The following KBTBD11 variants were observed in gnomAD, a reference collection of about 807,000 sequenced individuals.
The protein encoded by KBTBD11 is kelch repeat and BTB domain containing 11, also known as kelch repeat and BTB domain-containing protein 11.
For missense variants in KBTBD11, 1,390 were observed against 1,001.8 expected, an observed-to-expected ratio of 1.39 and a Z score of -5.23; for synonymous variants, 747 against 499.0, an observed-to-expected ratio of 1.50 and a Z score of -6.63.
Position 2,000,676 on chromosome 8 carries a change from A to C in KBTBD11, c.-517A>C, listed in dbSNP as rs1817307017. ...CGGTGATATGACAGCATGTGAAGTG[A>C]GTGGGTGAGCACGGACTCCTGAGAG... On this transcript the variant is annotated 5_prime_UTR_variant, in exon 2 of 2. Transcript: ENST00000320248. The C allele has an allele frequency of 6.5e-6, 1 of 154,616 alleles. No individual in the cohort carries two copies. Among genetic ancestry groups the C allele is most frequent in the South Asian group, 2.1e-4 (1 of 4,860 alleles). 9.6% of individuals were successfully genotyped at this position (154,616 alleles called of 1,614,324 possible).
rs71211538 is a variant in KBTBD11 at position 1,980,228 on chromosome 8, C to CTTTTT, written c.-909+6306_-909+6310dup. 5.2e-3 allele frequency among the ~76,000 whole-genome samples: 646 copies of CTTTTT among 124,538 alleles called. 35 individuals are homozygous for CTTTTT. The highest frequency in any genetic ancestry group is 0.028 in the East Asian group (117 of 4,202). The allele number at this position is 124,538 out of a possible 152,430, so 81.7% of individuals were successfully genotyped here. A position where few individuals can be genotyped will look rare whatever the true frequency, so the allele number is the denominator to read the frequency against. Reference sequence around the variant, plus strand: ...ATGATGTGAAATACTGATAATCAAACTTTTTTTTTTTTTTTTTGAGATGGG... The same window carrying CTTTTT: ...ATGATGTGAAATACTGATAATCAAACTTTTTTTTTTTTTTTTTTTTTTGAGATGGG... On this transcript the variant is annotated intron_variant, in intron 1 of 1. Transcript: ENST00000320248.
intron 1 of KBTBD11, among the ~76,000 whole-genome samples, chr8:1,991,579 C>A (rs1375271543): frequency 6.6e-6 from 1 of 151,358 alleles, no homozygotes; most frequent in Non-Finnish European, 1.5e-5. Flanking sequence ...GCTCCTGCAT[C>A]AGCCCAGAGG....
intron 1 of KBTBD11, among the ~76,000 whole-genome samples, chr8:1,983,098 G>C (rs1438979871): frequency 6.6e-6 from 1 of 152,144 alleles, no homozygotes; most frequent in East Asian, 1.9e-4. Context: ...TGTTGGGTGT[G>C]TGTGCCCCGA....
At chr8:1,982,963 T>G (rs1467864711) in intron 1 of KBTBD11, among the ~76,000 whole-genome samples, 13 of 152,170 alleles carry the variant, frequency 8.5e-5, no homozygotes, top group Admixed American at 8.5e-4. Context: ...TGACCTCAAG[T>G]GATCTACTCA....
chr8:1,980,554 T>C (rs1310718271), intron 1 of KBTBD11, among the ~76,000 whole-genome samples: 2 of 152,242 alleles, frequency 1.3e-5, no homozygotes, highest in Non-Finnish European at 2.9e-5. Context: ...ATGAGCTCCA[T>C]GAAGCTACAG....
chr8:1,978,348 T>C (rs1485847878), intron 1 of KBTBD11, among the ~76,000 whole-genome samples: 1 of 152,260 alleles, frequency 6.6e-6, no homozygotes, highest in Non-Finnish European at 1.5e-5. Flanking sequence ...CAGCACCAGA[T>C]GCGGAGCTTG....
In KBTBD11 at chr8:2,003,901, A is replaced by C. The variant is rs1817492028; in HGVS notation, c.*837A>C. On this transcript the variant is annotated 3_prime_UTR_variant, in exon 2 of 2. Coordinates refer to ENST00000320248, the MANE Select transcript of KBTBD11 (RefSeq NM_014867.3). ...CAGGGTGCTTGTCTATCTAAAAAGCAATCTTTGATAGTCCACTCTGTATGC... is the reference window on the plus strand; with the variant it reads ...CAGGGTGCTTGTCTATCTAAAAAGCCATCTTTGATAGTCCACTCTGTATGC... 6.0e-6 allele frequency: 1 copy of C among 166,980 alleles called. No individual in the cohort carries two copies. Among genetic ancestry groups the C allele is most frequent in the South Asian group, 2.1e-4 (1 of 4,836 alleles). The allele number at this position is 166,980 out of a possible 1,614,324, so 10.3% of individuals were successfully genotyped here.
At chr8:1,982,031 G>A (rs753511731) in intron 1 of KBTBD11, among the ~76,000 whole-genome samples, 3 of 152,154 alleles carry the variant, frequency 2.0e-5, no homozygotes, top group Non-Finnish European at 4.4e-5. Flanking sequence ...TGCTTCTCTG[G>A]AGAACCCTGG....
chr8:1,984,136 T>TA (rs1816631978), intron 1 of KBTBD11, among the ~76,000 whole-genome samples: 1 of 149,582 alleles, frequency 6.7e-6, no homozygotes, highest in African/African-American at 2.5e-5. Flanking sequence ...TTTAGAAAAA[T>TA]AAAAAAAGAG....
At chr8:1,978,457 G>A (rs1816425499) in intron 1 of KBTBD11, among the ~76,000 whole-genome samples, 2 of 152,188 alleles carry the variant, frequency 1.3e-5, no homozygotes, top group South Asian at 2.1e-4. Context: ...GGGGCCCCTC[G>A]GGGACCTTCC....
Position 2,002,863 on chromosome 8 carries a change from C to A in KBTBD11, c.1671C>A (p.Ala557=). ...PTGLQPFRCA[A]LDGAIYCVSR... ...GCCTGCAGCCCTTCCGCTGCGCCGC[C>A]CTGGACGGCGCCATCTACTGCGTGA... is the stretch of plus-strand genomic sequence containing the variant. Residue 557 remains alanine (A), a synonymous_variant, in exon 2 of 2, where the codon GCC becomes GCA. Transcript: ENST00000320248. This position sits in a 1 kb window ranked among gnomAD's most constrained non-coding sequence, Gnocchi z 4.1. 1 of 1,374,322 alleles carries A rather than the reference C, an allele frequency of 7.3e-7. No homozygotes were observed. Among genetic ancestry groups the A allele is most frequent in the Non-Finnish European group, 9.3e-7 (1 of 1,073,004 alleles). The allele number at this position is 1,374,322 out of a possible 1,614,324, so 85.1% of individuals were successfully genotyped here. A position where few individuals can be genotyped will look rare whatever the true frequency, so the allele number is the denominator to read the frequency against.
At chr8:1,993,343 T>A (rs1449280526) in intron 1 of KBTBD11, among the ~76,000 whole-genome samples, 1 of 151,688 alleles carries the variant, frequency 6.6e-6, no homozygotes, top group Non-Finnish European at 1.5e-5. Context: ...TCGCCCATCT[T>A]TCTGTCCATC....
intron 1 of KBTBD11, among the ~76,000 whole-genome samples, chr8:1,978,220 C>T (rs757035700): frequency 2.6e-5 from 4 of 152,218 alleles, no homozygotes; most frequent in Non-Finnish European, 4.4e-5. Flanking sequence ...CATCATTCAG[C>T]TCCCACTTAT....
intron 1 of KBTBD11, among the ~76,000 whole-genome samples, chr8:1,996,647 T>C (rs1378936641): frequency 6.6e-6 from 1 of 152,120 alleles, no homozygotes; most frequent in Non-Finnish European, 1.5e-5. Context: ...AAAAAAAAAT[T>C]AAGCTGACTG....
intron 1 of KBTBD11, among the ~76,000 whole-genome samples, chr8:1,993,138 G>A (rs78517181): frequency 0.019 from 2,906 of 151,772 alleles, 111 homozygotes; most frequent in Middle Eastern, 0.062. Context: ...GTAGGGAAAG[G>A]GTCTCCCCAT....
At chr8:1,993,950 C>CAA (rs1817034865) in intron 1 of KBTBD11, among the ~76,000 whole-genome samples, 1 of 151,548 alleles carries the variant, frequency 6.6e-6, no homozygotes, top group African/African-American at 2.4e-5. Flanking sequence ...CACACACACA[C>CAA]ACACACACAA....
chr8:1,980,366 A>C (rs946785970), intron 1 of KBTBD11, among the ~76,000 whole-genome samples: 2 of 151,400 alleles, frequency 1.3e-5, no homozygotes, highest in Non-Finnish European at 2.9e-5. Flanking sequence ...AGCTGGGATT[A>C]CAAGCATGCA....
rs1370143792 is a variant in KBTBD11 at position 2,001,584 on chromosome 8, C to T, written c.392C>T (p.Pro131Leu). 8 of 1,455,108 alleles carry T rather than the reference C, an allele frequency of 5.5e-6. No individual in the cohort carries two copies. In the African/African-American group the frequency reaches 8.9e-5, roughly 16 times the overall value. 90.1% of individuals were successfully genotyped at this position (1,455,108 alleles called of 1,614,324 possible). A position where few individuals can be genotyped will look rare whatever the true frequency, so the allele number is the denominator to read the frequency against. ...CCCGGGGAGCCCGCGCCCGTACCCC[C>T]GGGGTTCGGGGCGGTGTACGGGGAG... is the stretch of plus-strand genomic sequence containing the variant. Reference protein sequence around the residue: ...EEPGEPAPVPPGFGAVYGEPD... With the variant: ...EEPGEPAPVPLGFGAVYGEPD... The change falls in exon 2 of 2, where the codon CCG becomes CTG. Residue 131 changes from proline (P) to leucine (L), a missense_variant. Coordinates refer to ENST00000320248, the MANE Select transcript of KBTBD11 (RefSeq NM_014867.3).
Position 2,001,017 on chromosome 8 carries a change from T to G in KBTBD11, c.-176T>G, listed in dbSNP as rs1175494793. ...GCAAAGGCGAGGCGGGGGAGCAGCG[T>G]GTGAGATTCCCCCCTTCACACACAC... On this transcript the variant is annotated 5_prime_UTR_variant, in exon 2 of 2. Transcript: ENST00000320248. 2 of 842,322 alleles carry G rather than the reference T, an allele frequency of 2.4e-6. No homozygotes were observed. Among genetic ancestry groups the G allele is most frequent in the African/African-American group, 1.8e-5 (1 of 56,360 alleles). 52.2% of individuals were successfully genotyped at this position (842,322 alleles called of 1,614,324 possible). A position where few individuals can be genotyped will look rare whatever the true frequency, so the allele number is the denominator to read the frequency against.
Sources: allele counts gnomAD v4.1 joint callset (sites outside exome capture counted in the v4.1 genomes callset), GRCh38; gene constraint gnomAD v4.1.1; non-coding constraint Gnocchi (gnomAD v3.1); transcripts MANE v1.5; gene names NCBI Gene and HGNC (gene_info 2026-07-23, HGNC 2026-07-21).